Variants in ERICH6B observed in about 807,000 individuals in gnomAD.
ERICH6B encodes the protein glutamate-rich protein 6B.
ERICH6B carries 69 observed loss-of-function variants against 80.0 expected under a neutral mutation model. The observed-to-expected ratio is 0.86, with a 90% CI of 0.71 to 1.05. The LOEUF is 1.05. Among genes scored for constraint, ERICH6B ranks in the 50% least tolerant of loss-of-function variants. The pLI is 0.00. For missense variants in ERICH6B, 754 were observed against 796.1 expected (o/e 0.95, Z 0.64); for synonymous variants, 283 against 291.9 (o/e 0.97, Z 0.31).
chr13:45,585,589 A>C (rs1004599355), intron 5 of ERICH6B, among the ~76,000 whole-genome samples: 6 of 152,198 alleles, frequency 3.9e-5, no homozygotes, highest in Non-Finnish European at 7.3e-5. Context: ...AACTGCAGGA[A>C]ACTGGGGTGT....
intron 2 of ERICH6B, among the ~76,000 whole-genome samples, chr13:45,606,753 C>T (rs539485049): frequency 6.6e-6 from 1 of 151,268 alleles, no homozygotes; most frequent in South Asian, 2.1e-4. Context: ...GGGGTTTCAC[C>T]ATATTGGCCA....
At chr13:45,580,877 A>G (rs191440137) in intron 5 of ERICH6B, among the ~76,000 whole-genome samples, 183 of 152,306 alleles carry the variant, frequency 1.2e-3, no homozygotes, top group African/African-American at 4.2e-3. Context: ...CTAGGATTGC[A>G]ATAAATTAGT....
chr13:45,609,262 G>T (rs539676949), intron 1 of ERICH6B, among the ~76,000 whole-genome samples: 1 of 152,260 alleles, frequency 6.6e-6, no homozygotes, highest in Admixed American at 6.5e-5. Context: ...ATCCTCTCCT[G>T]CCCTTCTGGA....
At chr13:45,610,634 G>A (rs1285409054) in intron 1 of ERICH6B, among the ~76,000 whole-genome samples, 2 of 152,156 alleles carry the variant, frequency 1.3e-5, no homozygotes, top group Non-Finnish European at 2.9e-5. Context: ...TTGCTATATG[G>A]TGTAGCCTAT....
At chr13:45,571,359 T>C (rs1402092014) in intron 8 of ERICH6B, among the ~76,000 whole-genome samples, 1 of 152,164 alleles carries the variant, frequency 6.6e-6, no homozygotes, top group Non-Finnish European at 1.5e-5. Context: ...TATGGCATCA[T>C]TCCCTCCAAC....
chr13:45,566,178 A>T (rs1566291544), intron 9 of ERICH6B, among the ~76,000 whole-genome samples: 1 of 152,242 alleles, frequency 6.6e-6, no homozygotes, highest in Non-Finnish European at 1.5e-5. Flanking sequence ...GCAGCAAAGC[A>T]TTCAAGAGGT....
intron 13 of ERICH6B, among the ~76,000 whole-genome samples, chr13:45,546,999 C>T (rs118000874): frequency 0.015 from 2,211 of 152,322 alleles, 27 homozygotes; most frequent in Non-Finnish European, 0.025. Flanking sequence ...TATATACATA[C>T]TGAAATTATA....
intron 6 of ERICH6B, among the ~76,000 whole-genome samples, 164 bp from the exon 7 acceptor site, chr13:45,580,138 C>G (rs1875595723): frequency 6.6e-6 from 1 of 152,158 alleles, no homozygotes; most frequent in Non-Finnish European, 1.5e-5. Flanking sequence ...TGATCTTCAG[C>G]AGTTGGAGGC....
At position 45,587,215 on chromosome 13, in the gene ERICH6B, G is replaced by T. The variant is rs1875947587; in HGVS notation, c.704C>A (p.Pro235His). 1 of 1,551,636 alleles carries T rather than the reference G, an allele frequency of 6.4e-7. No homozygotes were observed. The highest frequency in any genetic ancestry group is 8.7e-7 in the Non-Finnish European group (1 of 1,146,974). Residue 235 changes from proline (P) to histidine (H), a missense_variant, in exon 5 of 15, where the codon CCC becomes CAC. Physicochemically the swap from Pro to His is moderately conservative, Grantham distance 77. Transcript: ENST00000298738. ...AGTCAAGAAGGTGGTCACCTGAGAG[G>T]GGCCAGCGTCTGGACTCCTGTCAGA... is the stretch of plus-strand genomic sequence containing the variant. ...LRDARSPDAGPSQVTTFLTVP... is the reference protein window; with the variant it reads ...LRDARSPDAGHSQVTTFLTVP...
At chr13:45,562,881 G>C (rs1053510396) in intron 10 of ERICH6B, among the ~76,000 whole-genome samples, 1 of 152,196 alleles carries the variant, frequency 6.6e-6, no homozygotes. Flanking sequence ...ATTGGTACTG[G>C]GGGTAAGTGT....
At chr13:45,592,716 G>A (rs1341741995) in intron 3 of ERICH6B, among the ~76,000 whole-genome samples, 1 of 152,134 alleles carries the variant, frequency 6.6e-6, no homozygotes, top group Admixed American at 6.5e-5. Context: ...CTAAAAGGGG[G>A]TCTCATTATG....
intron 5 of ERICH6B, among the ~76,000 whole-genome samples, chr13:45,583,812 C>T (rs1162018530): frequency 6.6e-6 from 1 of 152,172 alleles, no homozygotes; most frequent in East Asian, 1.9e-4. Flanking sequence ...TGAGGCCTCC[C>T]CAGCCACGTG....
intron 2 of ERICH6B, among the ~76,000 whole-genome samples, chr13:45,606,530 TATATATATA>T (rs1949864351): frequency 8.7e-5 from 3 of 34,486 alleles, no homozygotes; most frequent in African/African-American, 3.1e-4. Context: ...TATATATATA[TATATATATA>T]TATATATATT....
chr13:45,543,125 T>C (rs968494688), intron 14 of ERICH6B, among the ~76,000 whole-genome samples: 7 of 152,062 alleles, frequency 4.6e-5, no homozygotes, highest in African/African-American at 1.7e-4. Context: ...GGTCTGTAAG[T>C]GGAGCCTTCC....
At chr13:45,613,068 G>T (rs1949908876) in intron 1 of ERICH6B, among the ~76,000 whole-genome samples, 2 of 152,182 alleles carry the variant, frequency 1.3e-5, no homozygotes, top group Non-Finnish European at 2.9e-5. Context: ...TAGGAATTTT[G>T]CAGGATAGAG....
intron 9 of ERICH6B, among the ~76,000 whole-genome samples, chr13:45,566,205 A>G (rs1321544992): frequency 1.3e-5 from 2 of 152,222 alleles, no homozygotes; most frequent in Non-Finnish European, 2.9e-5. Context: ...GGTGCTGTTA[A>G]AGGCATTCAG....
At chr13:45,556,984 T>A (rs1874468646) in intron 11 of ERICH6B, among the ~76,000 whole-genome samples, 1 of 152,224 alleles carries the variant, frequency 6.6e-6, no homozygotes, top group African/African-American at 2.4e-5. Flanking sequence ...AAATGGTAGT[T>A]CTACTTTTAG....
At chr13:45,586,916 G>A in intron 5 of ERICH6B, 147 bp downstream of exon 5, 2 of 854,056 alleles carry the variant, frequency 2.3e-6, no homozygotes, top group Non-Finnish European at 3.5e-6. Flanking sequence ...TACCCAAAAT[G>A]AGACCTCAGA....
intron 1 of ERICH6B, among the ~76,000 whole-genome samples, chr13:45,609,576 T>G (rs976529065): frequency 1.3e-5 from 2 of 152,250 alleles, no homozygotes; most frequent in African/African-American, 2.4e-5. Context: ...TGTTCACCAT[T>G]GTATTCCCAC....
Sources: gnomAD v4.1 joint callset for allele counts (sites outside exome capture counted in the v4.1 genomes callset) on GRCh38, gnomAD v4.1.1 for gene constraint, MANE v1.5 for transcripts, NCBI Gene and HGNC (gene_info 2026-07-23, HGNC 2026-07-21) for gene names.